Variants in LDLRAD4 observed in about 807,000 individuals in gnomAD.
LDLRAD4 encodes low density lipoprotein receptor class A domain containing 4.
A neutral mutation model predicts 17.0 loss-of-function variants in LDLRAD4; 5 were observed. The observed-to-expected ratio is 0.29, with a 90% CI of 0.15 to 0.62. The LOEUF is 0.62. Ranked by LOEUF, LDLRAD4 falls within the 20% of genes least tolerant of loss-of-function variation. LDLRAD4 has a pLI of 0.84. For synonymous variants in LDLRAD4, 168 were observed against 171.8 expected, an observed-to-expected ratio of 0.98 and a Z score of 0.17; for missense variants, 340 against 424.7, an observed-to-expected ratio of 0.80 and a Z score of 1.75.
At position 13,367,434 on chromosome 18, in the gene LDLRAD4, C is replaced by T. The variant is rs1318279697; in HGVS notation, c.-382-19907C>T. 1.3e-5 allele frequency among the ~76,000 whole-genome samples: 2 copies of T among 152,100 alleles called. No homozygotes were observed. Among genetic ancestry groups the T allele is most frequent in the Non-Finnish European group, 2.9e-5 (2 of 68,022 alleles). ...CAGGCATTGAACTGCGTGGGGCACT[C>T]CATGGGGCAGAAAAGAGCCTGGCAG... On this transcript the variant is annotated intron_variant, in intron 1 of 5. Transcript: ENST00000359446. The surrounding 1 kb of genome is among the most constrained non-coding windows in gnomAD (Gnocchi z 4.1).
At chr18:13,575,521 T>C (rs1362747467) in intron 3 of LDLRAD4, among the ~76,000 whole-genome samples, 1 of 152,276 alleles carries the variant, frequency 6.6e-6, no homozygotes, top group African/African-American at 2.4e-5. Context: ...ATTGTGCTGC[T>C]ATAAACATGC....
intron 3 of LDLRAD4, among the ~76,000 whole-genome samples, chr18:13,572,421 G>T (rs960689796): frequency 6.6e-6 from 1 of 152,210 alleles, no homozygotes; most frequent in African/African-American, 2.4e-5. Context: ...AGCCTGGGCT[G>T]GGAGTGGAAG....
chr18:13,388,637 A>G (rs957985253), intron 2 of LDLRAD4, among the ~76,000 whole-genome samples: 2 of 152,174 alleles, frequency 1.3e-5, no homozygotes, highest in African/African-American at 4.8e-5. Flanking sequence ...GGCTGTTGGG[A>G]TGCCTGGAGA....
At chr18:13,344,492 A>G (rs925223368) in intron 1 of LDLRAD4, among the ~76,000 whole-genome samples, 10 of 133,404 alleles carry the variant, frequency 7.5e-5, no homozygotes, top group Admixed American at 2.8e-4. Flanking sequence ...GTAGCTTTGT[A>G]GTATAGTTTG....
At chr18:13,274,386 A>T (rs572295691), upstream of LDLRAD4, among the ~76,000 whole-genome samples, 3 of 152,258 alleles carry the variant, frequency 2.0e-5, no homozygotes, top group South Asian at 6.2e-4. Flanking sequence ...TACACAGGGG[A>T]TGCTAAGCAG....
chr18:13,305,254 A>G (rs751356227), intron 1 of LDLRAD4, among the ~76,000 whole-genome samples: 1 of 152,228 alleles, frequency 6.6e-6, no homozygotes, highest in Non-Finnish European at 1.5e-5. Context: ...ACATATATAC[A>G]TGGTACCATT....
chr18:13,416,940 A>C (rs2088954562), intron 2 of LDLRAD4, among the ~76,000 whole-genome samples: 1 of 152,220 alleles, frequency 6.6e-6, no homozygotes, highest in African/African-American at 2.4e-5. Context: ...CGTGTGAGGT[A>C]GGTACTATTT....
chr18:13,297,847 G>A (rs546056062), intron 1 of LDLRAD4, among the ~76,000 whole-genome samples: 4 of 152,342 alleles, frequency 2.6e-5, no homozygotes, highest in African/African-American at 9.6e-5. Context: ...CAGGCCCATC[G>A]GTGGTATCTA....
chr18:13,293,595 C>T (rs2046093396), intron 1 of LDLRAD4, among the ~76,000 whole-genome samples: 1 of 152,196 alleles, frequency 6.6e-6, no homozygotes, highest in South Asian at 2.1e-4. Context: ...AGAAGGAGAG[C>T]AACAAGGAGA....
intron 3 of LDLRAD4, among the ~76,000 whole-genome samples, chr18:13,480,771 A>G (rs1052909513): frequency 2.0e-5 from 3 of 152,208 alleles, no homozygotes; most frequent in Admixed American, 2.0e-4. Context: ...CATTAAGTGG[A>G]AGAATGCTTT....
At chr18:13,432,280 G>C (rs1020358393) in intron 2 of LDLRAD4, among the ~76,000 whole-genome samples, 2 of 152,132 alleles carry the variant, frequency 1.3e-5, no homozygotes, top group Admixed American at 1.3e-4. Flanking sequence ...TTCATAATTA[G>C]CTAAAGCACT....
intron 1 of LDLRAD4, among the ~76,000 whole-genome samples, chr18:13,308,826 T>C (rs2047064037): frequency 6.6e-6 from 1 of 152,234 alleles, no homozygotes; most frequent in African/African-American, 2.4e-5. Flanking sequence ...TTTAAATTTG[T>C]TTTTGCATTT....
chr18:13,370,582 C>T (rs552959725), intron 1 of LDLRAD4, among the ~76,000 whole-genome samples: 3 of 152,282 alleles, frequency 2.0e-5, no homozygotes, highest in East Asian at 1.9e-4. Flanking sequence ...GCACCCTTTC[C>T]GTTTCTTGCT....
chr18:13,263,267 C>T (rs2044017110), intron 1 of LDLRAD4, among the ~76,000 whole-genome samples: 1 of 150,448 alleles, frequency 6.6e-6, no homozygotes, highest in Admixed American at 6.6e-5. Context: ...AACCGAATCC[C>T]ATGCGGCTCT....
At chr18:13,559,485 A>G (rs750013987) in intron 3 of LDLRAD4, among the ~76,000 whole-genome samples, 88 of 152,366 alleles carry the variant, frequency 5.8e-4, no homozygotes, top group Middle Eastern at 3.4e-3. Context: ...TCTAGAATTG[A>G]AATTTCTAAG....
At chr18:13,567,016 G>C (rs1231979894) in intron 3 of LDLRAD4, among the ~76,000 whole-genome samples, 2 of 152,226 alleles carry the variant, frequency 1.3e-5, no homozygotes, top group Non-Finnish European at 2.9e-5. Context: ...CACAGCGTGT[G>C]TGAAAGAGCC....
At chr18:13,643,850 T>C (rs2042833243) in intron 5 of LDLRAD4, among the ~76,000 whole-genome samples, 1 of 152,000 alleles carries the variant, frequency 6.6e-6, no homozygotes, top group African/African-American at 2.4e-5. Context: ...TATGTGTGTA[T>C]ATTAAATGCA....
At chr18:13,606,482 A>C (rs542131938) in intron 3 of LDLRAD4, among the ~76,000 whole-genome samples, 2 of 152,338 alleles carry the variant, frequency 1.3e-5, no homozygotes, top group South Asian at 4.1e-4. Flanking sequence ...CCATGGGGTC[A>C]CACACTTTTA....
Position 13,610,300 on chromosome 18 carries a change from T to C in LDLRAD4, c.182-10817T>C, listed in dbSNP as rs1460394289. Among the ~76,000 whole-genome samples the C allele has an allele frequency of 5.5e-3, 353 of 64,272 alleles. 28 individuals are homozygous for C. The highest frequency in any genetic ancestry group is 0.019 in the African/African-American group (276 of 14,796). 42.2% of individuals were successfully genotyped at this position (64,272 alleles called of 152,430 possible). A position where few individuals can be genotyped will look rare whatever the true frequency, so the allele number is the denominator to read the frequency against. ...TTTTTTTTTTTTTTTTTTTTTTTTT[T>C]TTTTTGAGACGGAGTCTCACTCTGT... On this transcript the variant is annotated intron_variant, in intron 3 of 5. Transcript: ENST00000359446.
Sources: allele counts gnomAD v4.1 joint callset (sites outside exome capture counted in the v4.1 genomes callset), GRCh38; gene constraint gnomAD v4.1.1; non-coding constraint Gnocchi (gnomAD v3.1); transcripts MANE v1.5; gene names NCBI Gene and HGNC (gene_info 2026-07-23, HGNC 2026-07-21).